CC2D1A: variants seen among roughly 807,000 people sequenced by gnomAD.
CC2D1A encodes coiled-coil and C2 domain-containing protein 1A.
A neutral mutation model predicts 123.8 loss-of-function variants in CC2D1A; 68 were observed. The ratio of observed to expected loss-of-function variants is 0.55; its 90% CI spans 0.45 to 0.67. The LOEUF (loss-of-function observed/expected upper bound fraction) is 0.67, where lower values mean the gene tolerates loss of function less well. CC2D1A is among the 30% of genes least tolerant of loss of function. CC2D1A has a pLI of 0.00. For synonymous variants in CC2D1A, 477 were observed against 528.0 expected (o/e 0.90, Z 1.32); for missense variants, 1,185 against 1,290.3 (o/e 0.92, Z 1.25).
chr19:13,915,179 T>C (rs1279024568), intron 6 of CC2D1A, among the ~76,000 whole-genome samples: 1 of 152,258 alleles, frequency 6.6e-6, no homozygotes, highest in African/African-American at 2.4e-5. Flanking sequence ...GTTCAAAGAA[T>C]ACAAAGACAT....
intron 12 of CC2D1A, chr19:13,920,330 G>A (rs545847637): frequency 7.3e-5 from 40 of 548,418 alleles, no homozygotes; most frequent in Non-Finnish European, 9.8e-5. Flanking sequence ...AGCCAAGATC[G>A]TGCTACTGCA....
chr19:13,920,552 T>C lies in CC2D1A; in HGVS notation c.1357-5T>C, dbSNP rs1324659949. Reference sequence around the variant, plus strand: ...ATCTCTAACATCCTCTCTCTTCCTCTACAGCAGAACAGCCCTGTGGCCCCC... The same window carrying C: ...ATCTCTAACATCCTCTCTCTTCCTCCACAGCAGAACAGCCCTGTGGCCCCC... On this transcript the variant is annotated splice_region_variant and splice_polypyrimidine_tract_variant and intron_variant, in intron 12 of 28. Transcript: ENST00000318003. 6.5e-7 allele frequency: 1 copy of C among 1,544,226 alleles called. No individual in the cohort carries two copies. The highest frequency in any genetic ancestry group is 1.4e-5 in the African/African-American group (1 of 73,736).
At chr19:13,913,351 C>T in intron 5 of CC2D1A, 49 bp downstream of exon 5, 1 of 1,607,454 alleles carries the variant, frequency 6.2e-7, no homozygotes. Context: ...AACCCCGATG[C>T]CCTGCACCAA....
chr19:13,906,476 G>A lies in CC2D1A; in HGVS notation c.35G>A (p.Gly12Asp). 6.6e-7 allele frequency: 1 copy of A among 1,514,628 alleles called. No homozygotes were observed. The highest frequency in any genetic ancestry group is 1.2e-5 in the South Asian group (1 of 81,522). The allele number at this position is 1,514,628 out of a possible 1,614,324, so 93.8% of individuals were successfully genotyped here. Residue 12 changes from glycine (G) to aspartate (D), a missense_variant, in exon 1 of 29, where the codon GGC becomes GAC. Transcript: ENST00000318003. This position sits in a 1 kb window ranked among gnomAD's most constrained non-coding sequence, Gnocchi z 4.1. ...AGGAAAGGACCCCCGGGACCCCCGG[G>A]CAGAGGCGCCGCGGCCGCCCGCCAG... ...HKRKGPPGPP[G>D]RGAAAARQLG...
At chr19:13,920,232 CAG>C (rs1971361382) in intron 12 of CC2D1A, 1 of 506,670 alleles carries the variant, frequency 2.0e-6, no homozygotes, top group Non-Finnish European at 3.4e-6. Flanking sequence ...GTCTGGGTGA[CAG>C]AGCAAGACCT....
In CC2D1A at chr19:13,928,195, A is replaced by C. The variant is rs764865374; in HGVS notation, c.2519+7A>C. 5.6e-6 allele frequency: 9 copies of C among 1,612,770 alleles called. No individual in the cohort carries two copies. The highest frequency in any genetic ancestry group is 5.9e-6 in the Non-Finnish European group (7 of 1,179,506). The stretch of plus-strand genomic sequence containing the variant: ...CAAGGGAGTCAGGGAACAGGTAGGT[A>C]TCTGGGCCAGGGCATGCTGGAGAAA... On this transcript the variant is annotated splice_region_variant and intron_variant, in intron 24 of 28. Transcript: ENST00000318003.
At chr19:13,910,355 C>T (rs949466452) in intron 2 of CC2D1A, among the ~76,000 whole-genome samples, 9 of 149,004 alleles carry the variant, frequency 6.0e-5, no homozygotes, top group African/African-American at 2.2e-4. Context: ...TTGCAGTGAG[C>T]CGAGATCGCA....
At chr19:13,922,835 CA>C (rs1356543473) in intron 14 of CC2D1A, among the ~76,000 whole-genome samples, 1 of 152,110 alleles carries the variant, frequency 6.6e-6, no homozygotes, top group African/African-American at 2.4e-5. Flanking sequence ...CACCCGGCAC[CA>C]TACATGATTT....
chr19:13,927,914 A>T lies in CC2D1A; in HGVS notation c.2338A>T (p.Thr780Ser), dbSNP rs1447466616. 2 of 1,613,062 alleles carry T rather than the reference A, an allele frequency of 1.2e-6. No homozygotes were observed. Among genetic ancestry groups the T allele is most frequent in the South Asian group, 2.2e-5 (2 of 91,062 alleles). ...ILEVLDGRRP[T>S]GGRLEVMVRI... ...CCAGGTCCTGGATGGTCGCCGGCCC[A>T]CAGGGGGGCGACTGGAGGTAATGGT... is the stretch of plus-strand genomic sequence containing the variant. The change falls in exon 23 of 29, where the codon ACA becomes TCA. Residue 780 changes from threonine to serine, a missense_variant. Transcript: ENST00000318003.
At chr19:13,925,051 C>T (rs1971544205) in intron 17 of CC2D1A, among the ~76,000 whole-genome samples, 1 of 152,208 alleles carries the variant, frequency 6.6e-6, no homozygotes, top group Admixed American at 6.5e-5. Flanking sequence ...TCCCTCTTGA[C>T]ATCTAGAGTC....
chr19:13,919,212 G>A lies in CC2D1A; in HGVS notation c.1222+10G>A. ...TTGCCCGTGCCCCCAGGTAGGCCTTGCCCCTGTAGGCCTCGCCCCAGTAGG... is the reference window on the plus strand; with the variant it reads ...TTGCCCGTGCCCCCAGGTAGGCCTTACCCCTGTAGGCCTCGCCCCAGTAGG... On this transcript the variant is annotated intron_variant, in intron 11 of 28. Coordinates refer to ENST00000318003, the MANE Select transcript of CC2D1A (RefSeq NM_017721.5). 2 of 1,601,924 alleles carry A rather than the reference G, an allele frequency of 1.2e-6. No homozygotes were observed. Among genetic ancestry groups the A allele is most frequent in the South Asian group, 1.1e-5 (1 of 90,150 alleles).
intron 6 of CC2D1A, 100 bp from the exon 7 acceptor site, chr19:13,917,970 G>C: frequency 7.4e-7 from 1 of 1,354,104 alleles, no homozygotes; most frequent in Middle Eastern, 2.7e-4. Context: ...GGCTCTGTCT[G>C]AAAAAGAAAA....
chr19:13,929,747 G>C, intron 26 of CC2D1A, 87 bp downstream of exon 26: 1 of 466,142 alleles, frequency 2.1e-6, no homozygotes. Flanking sequence ...ATATCTGGTG[G>C]GGGAGGGGCT....
chr19:13,929,947 G>A, intron 26 of CC2D1A, 131 bp from the exon 27 acceptor site: 1 of 537,986 alleles, frequency 1.9e-6, no homozygotes, highest in South Asian at 2.0e-5. Flanking sequence ...TCGGGGATGG[G>A]CACCTGGAGG....
Position 13,909,913 on chromosome 19 carries a change from T to C in CC2D1A, c.151T>C (p.Leu51=). The change falls in exon 2 of 29, where the codon TTG becomes CTG. Residue 51 remains leucine (L), a synonymous_variant. Coordinates refer to ENST00000318003, the MANE Select transcript of CC2D1A (RefSeq NM_017721.5). ...AGAACTGGAGGCTGAGTTCTTGGCTTTGGTCGGGGGCCAGCCCCCAGCCCT... is the reference window on the plus strand; with the variant it reads ...AGAACTGGAGGCTGAGTTCTTGGCTCTGGTCGGGGGCCAGCCCCCAGCCCT... ...DEELEAEFLA[L]VGGQPPALEK... 1 of 1,548,232 alleles carries C rather than the reference T, an allele frequency of 6.5e-7. No homozygotes were observed. The highest frequency in any genetic ancestry group is 2.0e-5 in the Admixed American group (1 of 50,566).
intron 17 of CC2D1A, among the ~76,000 whole-genome samples, chr19:13,925,976 G>GTGTA (rs1568418610): frequency 1.3e-5 from 1 of 79,724 alleles, no homozygotes; most frequent in Non-Finnish European, 2.2e-5. Context: ...ATATATATGT[G>GTGTA]TATATATATA....
Position 13,913,322 on chromosome 19 carries a change from G to A in CC2D1A, c.513+20G>A, listed in dbSNP as rs1360383993. On this transcript the variant is annotated intron_variant, in intron 5 of 28. Coordinates refer to ENST00000318003, the MANE Select transcript of CC2D1A (RefSeq NM_017721.5). ...CTTAAAGTAAGTGGGCAGAGGGCAG[G>A]GTACAGGGACCCCCCGCCAACCCCG... 6.2e-7 allele frequency: 1 copy of A among 1,609,214 alleles called. No individual in the cohort carries two copies. Among genetic ancestry groups the A allele is most frequent in the Non-Finnish European group, 8.5e-7 (1 of 1,177,156 alleles).
intron 24 of CC2D1A, among the ~76,000 whole-genome samples, chr19:13,928,415 C>G (rs750544528): frequency 6.6e-6 from 1 of 152,092 alleles, no homozygotes; most frequent in Non-Finnish European, 1.5e-5. Flanking sequence ...TCTCCCTACT[C>G]CCTCCTGTGG....
chr19:13,913,047 C>T, intron 4 of CC2D1A, 121 bp from the exon 5 acceptor site: 5 of 1,054,872 alleles, frequency 4.7e-6, no homozygotes, highest in Non-Finnish European at 6.7e-6. Context: ...TGATTTCTGC[C>T]TCACTGGGGC....
Sources: allele counts gnomAD v4.1 joint callset (sites outside exome capture counted in the v4.1 genomes callset), GRCh38; gene constraint gnomAD v4.1.1; non-coding constraint Gnocchi (gnomAD v3.1); transcripts MANE v1.5; gene names NCBI Gene and HGNC (gene_info 2026-07-23, HGNC 2026-07-21).